The following PIGU variants were observed in gnomAD, a reference collection of about 807,000 sequenced individuals.
The protein encoded by PIGU is phosphatidylinositol glycan anchor biosynthesis class U, also known as GPI-anchor transamidase component PIGU.
In PIGU, 24 loss-of-function variants were observed where a neutral mutation model predicts 49.9. That is an observed-to-expected ratio of 0.48 (90% CI 0.35 to 0.68). PIGU has a LOEUF of 0.68. Ranked by LOEUF, PIGU falls within the 30% of genes least tolerant of loss-of-function variation. PIGU has a pLI of 0.01. For synonymous variants in PIGU, 220 were observed against 205.7 expected, an observed-to-expected ratio of 1.07 and a Z score of -0.59; for missense variants, 490 against 532.6, an observed-to-expected ratio of 0.92 and a Z score of 0.79.
chr20:34,581,535 C>T lies in PIGU; in HGVS notation c.1051+13G>A, dbSNP rs950570908. The T allele has an allele frequency of 2.2e-5, 36 of 1,608,244 alleles. 1 individual carries two copies. The highest frequency in any genetic ancestry group is 8.8e-5 in the South Asian group (8 of 90,682). Reference sequence around the variant, plus strand: ...GGCTGACACAAATCTGTGGCAGAGGCGGGAGTACTCACATCTGTAGAGATG... The same window carrying T: ...GGCTGACACAAATCTGTGGCAGAGGTGGGAGTACTCACATCTGTAGAGATG... On this transcript the variant is annotated intron_variant, in intron 10 of 11. Coordinates refer to ENST00000217446, the MANE Select transcript of PIGU (RefSeq NM_080476.5).
chr20:34,637,719 CCAGAACAACAGAGCCCAGTTGTGCAA>C (rs1205458082), intron 5 of PIGU, among the ~76,000 whole-genome samples, 131 bp downstream of exon 5: 1 of 152,058 alleles, frequency 6.6e-6, no homozygotes, highest in East Asian at 1.9e-4. Context: ...CTTTTGCTGG[CCAGAACAACAGAGCCCAGTTGTGCAA>C]CAGAACTACA....
At chr20:34,616,582 T>C (rs1040746215) in intron 6 of PIGU, among the ~76,000 whole-genome samples, 5 of 152,162 alleles carry the variant, frequency 3.3e-5, no homozygotes, top group African/African-American at 9.7e-5. Flanking sequence ...AGCCCTTCCT[T>C]ACCTGCTGCA....
chr20:34,626,049 G>A (rs1356155619), intron 6 of PIGU, among the ~76,000 whole-genome samples: 1 of 150,854 alleles, frequency 6.6e-6, no homozygotes, highest in African/African-American at 2.4e-5. Flanking sequence ...TAAATATCAT[G>A]TGCATAATAT....
At chr20:34,617,681 TAA>T (rs1985065023) in intron 6 of PIGU, among the ~76,000 whole-genome samples, 1 of 152,200 alleles carries the variant, frequency 6.6e-6, no homozygotes, top group Middle Eastern at 3.2e-3. Flanking sequence ...TGAAATGAGT[TAA>T]GACTTTGGGG....
intron 1 of PIGU, among the ~76,000 whole-genome samples, chr20:34,675,829 GA>G (rs1302604316): frequency 6.6e-6 from 1 of 151,954 alleles, no homozygotes. Context: ...GGGCAACATA[GA>G]AAGACCCTGT....
chr20:34,577,689 C>A (rs6059927), intron 10 of PIGU, among the ~76,000 whole-genome samples: 1 of 152,194 alleles, frequency 6.6e-6, no homozygotes. Flanking sequence ...GCACTCCAGC[C>A]TGAGCAACAG....
In PIGU at chr20:34,658,178, G is replaced by A. The variant is rs561465887; in HGVS notation, c.131-934C>T. 4.5e-3 allele frequency among the ~76,000 whole-genome samples: 691 copies of A among 152,354 alleles called. 1 individual carries two copies. The highest frequency in any genetic ancestry group is 9.1e-3 in the Admixed American group (139 of 15,310). On this transcript the variant is annotated intron_variant, in intron 1 of 11. Coordinates refer to ENST00000217446, the MANE Select transcript of PIGU (RefSeq NM_080476.5). ...TGACTGGTTTTCGTATTTTTTTGGT[G>A]GAGACGGGGTTTCGCTGTGTTGGCC...
chr20:34,625,392 A>C (rs6058093), intron 6 of PIGU, among the ~76,000 whole-genome samples: 80,766 of 146,470 alleles, frequency 0.55, 23,197 homozygotes, highest in African/African-American at 0.68. Flanking sequence ...ACAAAAAAAA[A>C]AAAACTACAT....
At chr20:34,561,376 C>T (rs1982500747) in intron 11 of PIGU, among the ~76,000 whole-genome samples, 1 of 152,216 alleles carries the variant, frequency 6.6e-6, no homozygotes, top group Admixed American at 6.5e-5. Context: ...ATGCCCCCAT[C>T]TTCCAGCCAG....
intron 7 of PIGU, among the ~76,000 whole-genome samples, chr20:34,598,631 T>C (rs1293328284): frequency 6.6e-6 from 1 of 152,372 alleles, no homozygotes; most frequent in East Asian, 1.9e-4. Context: ...CAGCTCTTTC[T>C]GCCTCTAGTT....
chr20:34,636,263 C>G (rs1364761683), intron 5 of PIGU, among the ~76,000 whole-genome samples: 1 of 148,848 alleles, frequency 6.7e-6, no homozygotes, highest in East Asian at 2.0e-4. Flanking sequence ...AAAGAATCGG[C>G]CAGGAGCAAT....
intron 6 of PIGU, among the ~76,000 whole-genome samples, chr20:34,618,406 A>T (rs1165239348): frequency 6.6e-6 from 1 of 152,214 alleles, no homozygotes; most frequent in Non-Finnish European, 1.5e-5. Flanking sequence ...CAAGATATAA[A>T]GCCCAACAGG....
At chr20:34,562,586 C>G in intron 11 of PIGU, 1 of 1,285,010 alleles carries the variant, frequency 7.8e-7, no homozygotes, top group Non-Finnish European at 1.0e-6. Context: ...GAACAATCCT[C>G]ATCTTAAACA....
chr20:34,634,579 G>T, intron 6 of PIGU, 36 bp downstream of exon 6: 2 of 1,590,530 alleles, frequency 1.3e-6, no homozygotes, highest in Non-Finnish European at 1.7e-6. Flanking sequence ...GCATAAATCA[G>T]GGACTGACCT....
chr20:34,671,383 TC>T (rs1393208468), intron 1 of PIGU, among the ~76,000 whole-genome samples: 2 of 151,998 alleles, frequency 1.3e-5, no homozygotes, highest in Non-Finnish European at 2.9e-5. Context: ...TGCCTCAACC[TC>T]CCAAGTAGCT....
At chr20:34,634,024 G>A (rs1985878064) in intron 6 of PIGU, among the ~76,000 whole-genome samples, 2 of 152,132 alleles carry the variant, frequency 1.3e-5, no homozygotes, top group Admixed American at 1.3e-4. Flanking sequence ...AACTAGGGGT[G>A]GGAAGAAAGA....
At chr20:34,676,758 T>TG (rs1568672607) in intron 1 of PIGU, among the ~76,000 whole-genome samples, 198 bp downstream of exon 1, 1 of 151,656 alleles carries the variant, frequency 6.6e-6, no homozygotes, top group Non-Finnish European at 1.5e-5. Flanking sequence ...CTCACGACAC[T>TG]GTCCCCACGC....
intron 7 of PIGU, among the ~76,000 whole-genome samples, chr20:34,596,622 TA>T (rs576181977): frequency 1.5e-4 from 23 of 152,144 alleles, no homozygotes; most frequent in African/African-American, 5.5e-4. Flanking sequence ...CATGGTTGGT[TA>T]AAAAAATAAA....
intron 1 of PIGU, among the ~76,000 whole-genome samples, chr20:34,659,160 G>A (rs1348849547): frequency 7.4e-6 from 1 of 134,248 alleles, no homozygotes; most frequent in Admixed American, 7.3e-5. Flanking sequence ...TGGGAAGTGA[G>A]GAGCCCCTCT....
Sources: gnomAD v4.1 joint callset for allele counts (sites outside exome capture counted in the v4.1 genomes callset) on GRCh38, gnomAD v4.1.1 for gene constraint, MANE v1.5 for transcripts, NCBI Gene and HGNC (gene_info 2026-07-23, HGNC 2026-07-21) for gene names.